Variants in STXBP5L observed in about 807,000 individuals in gnomAD.
STXBP5L encodes the protein syntaxin-binding protein 5-like.
Under a neutral mutation model 144.5 loss-of-function variants are expected in STXBP5L, and 65 were observed. The ratio of observed to expected loss-of-function variants is 0.45; its 90% CI spans 0.37 to 0.55. The LOEUF is 0.55. STXBP5L is among the 20% of genes least tolerant of loss of function. The pLI, the probability that STXBP5L is intolerant of heterozygous loss-of-function variation, is 0.00. For missense variants in STXBP5L, 1,298 were observed against 1,405.5 expected, an observed-to-expected ratio of 0.92 and a Z score of 1.22; for synonymous variants, 505 against 469.6, an observed-to-expected ratio of 1.08 and a Z score of -0.97.
At chr3:121,003,785 C>T (rs1576629238) in intron 3 of STXBP5L, among the ~76,000 whole-genome samples, 2 of 152,138 alleles carry the variant, frequency 1.3e-5, no homozygotes, top group South Asian at 2.1e-4. Flanking sequence ...AGGCAGTTTT[C>T]CCAGCACCAT....
intron 3 of STXBP5L, among the ~76,000 whole-genome samples, chr3:120,977,374 C>T (rs549914700): frequency 2.6e-5 from 4 of 151,948 alleles, no homozygotes; most frequent in African/African-American, 9.7e-5. Context: ...CAACCCCTGC[C>T]TTTTTTTGTT....
At chr3:120,965,232 C>T (rs545461601) in intron 3 of STXBP5L, among the ~76,000 whole-genome samples, 44 of 152,198 alleles carry the variant, frequency 2.9e-4, no homozygotes, top group Non-Finnish European at 5.1e-4. Flanking sequence ...ACTGTTTATC[C>T]AATTTGCCAG....
chr3:121,012,087 C>T (rs561864022), intron 3 of STXBP5L, among the ~76,000 whole-genome samples: 1 of 151,888 alleles, frequency 6.6e-6, no homozygotes, highest in South Asian at 2.1e-4. Context: ...TCTTTTGTGA[C>T]TGACTTATTT....
At chr3:121,049,099 A>T (rs1576774295) in intron 5 of STXBP5L, among the ~76,000 whole-genome samples, 1 of 151,322 alleles carries the variant, frequency 6.6e-6, no homozygotes, top group African/African-American at 2.4e-5. Flanking sequence ...GTGGCTAGAG[A>T]CCCCGGTAGG....
chr3:121,376,362 T>C (rs1015015723), intron 20 of STXBP5L, among the ~76,000 whole-genome samples: 1 of 152,228 alleles, frequency 6.6e-6, no homozygotes, highest in Non-Finnish European at 1.5e-5. Context: ...TTTTATGGTT[T>C]TAGGCTTTAG....
In STXBP5L at chr3:121,092,982, G is replaced by A. The variant is rs547909046; in HGVS notation, c.471-21943G>A. ...ATTTATTGAGAGTTTTTAGCATGAA[G>A]AGTTGTTGAATTTTGTCAAAGGCCT... On this transcript the variant is annotated intron_variant, in intron 5 of 26. Transcript: ENST00000471454. 1.6e-3 allele frequency among the ~76,000 whole-genome samples: 247 copies of A among 152,340 alleles called. 1 individual carries two copies. The highest frequency in any genetic ancestry group is 5.8e-3 in the African/African-American group (240 of 41,592).
intron 3 of STXBP5L, among the ~76,000 whole-genome samples, chr3:120,960,438 TG>T (rs1307345561): frequency 6.6e-6 from 1 of 152,212 alleles, no homozygotes; most frequent in African/African-American, 2.4e-5. Context: ...TAAATCATGC[TG>T]GTATAAAAAC....
intron 9 of STXBP5L, among the ~76,000 whole-genome samples, chr3:121,178,769 T>A (rs1054938031): frequency 6.6e-6 from 1 of 152,110 alleles, no homozygotes; most frequent in Non-Finnish European, 1.5e-5. Context: ...ATAGGCATTC[T>A]CAGTCTCCAG....
intron 3 of STXBP5L, among the ~76,000 whole-genome samples, chr3:120,968,575 A>G (rs534740748): frequency 5.3e-5 from 8 of 152,140 alleles, no homozygotes; most frequent in African/African-American, 1.9e-4. Flanking sequence ...TTTAATTTTT[A>G]AAATAAATTT....
rs3863971 is a variant in STXBP5L at position 121,036,772 on chromosome 3, A to ATTTT, written c.288-4911_288-4908dup. 5.0e-3 allele frequency among the ~76,000 whole-genome samples: 612 copies of ATTTT among 122,110 alleles called. 8 individuals carry two copies. Among genetic ancestry groups the ATTTT allele is most frequent in the South Asian group, 0.025 (97 of 3,886 alleles). The allele number at this position is 122,110 out of a possible 152,430, so 80.1% of individuals were successfully genotyped here. On this transcript the variant is annotated intron_variant, in intron 3 of 26. Coordinates refer to ENST00000471454, the MANE Select transcript of STXBP5L (RefSeq NM_001308330.2). The stretch of plus-strand genomic sequence containing the variant: ...TTGATAGGATGACTTACATTGATTG[A>ATTTT]TTTTTTTTTTTTTTTTTTTTATTAT...
chr3:120,911,968 G>T (rs764723212), intron 2 of STXBP5L, among the ~76,000 whole-genome samples: 4 of 151,930 alleles, frequency 2.6e-5, no homozygotes, highest in Non-Finnish European at 5.9e-5. Flanking sequence ...GTTCTAAGGA[G>T]CTGTCATATT....
intron 3 of STXBP5L, among the ~76,000 whole-genome samples, chr3:120,961,599 G>C (rs1326672393): frequency 6.6e-6 from 1 of 152,168 alleles, no homozygotes; most frequent in Non-Finnish European, 1.5e-5. Context: ...CGAAGGGCTA[G>C]AACTCATCCT....
intron 5 of STXBP5L, among the ~76,000 whole-genome samples, chr3:121,057,749 T>G (rs1020422271): frequency 6.6e-6 from 1 of 152,010 alleles, no homozygotes; most frequent in Non-Finnish European, 1.5e-5. Context: ...AAACTTAACT[T>G]TTGCATTTCT....
At chr3:121,290,309 G>A (rs1440967180) in intron 19 of STXBP5L, among the ~76,000 whole-genome samples, 3 of 151,912 alleles carry the variant, frequency 2.0e-5, no homozygotes, top group Admixed American at 6.6e-5. Flanking sequence ...TAGAGAAGAT[G>A]GATAAATTCC....
At chr3:121,365,117 G>C (rs1021475443) in intron 20 of STXBP5L, among the ~76,000 whole-genome samples, 3 of 151,576 alleles carry the variant, frequency 2.0e-5, no homozygotes, top group African/African-American at 7.3e-5. Flanking sequence ...ATTCCACTTG[G>C]TTATAGTCTA....
At chr3:121,165,764 C>T (rs2046475307) in intron 9 of STXBP5L, among the ~76,000 whole-genome samples, 1 of 152,088 alleles carries the variant, frequency 6.6e-6, no homozygotes. Flanking sequence ...GGCTCCTCCC[C>T]ACTGCAAATG....
chr3:121,058,624 C>T (rs898707480), intron 5 of STXBP5L, among the ~76,000 whole-genome samples: 1 of 152,224 alleles, frequency 6.6e-6, no homozygotes, highest in African/African-American at 2.4e-5. Context: ...TCTCCAAATC[C>T]TCTCCAGCAT....
intron 3 of STXBP5L, among the ~76,000 whole-genome samples, chr3:120,987,756 T>C (rs77194761): frequency 0.099 from 15,090 of 151,844 alleles, 1,185 homozygotes; most frequent in Admixed American, 0.2. Context: ...TTAGTTTTAT[T>C]AATATTTTAT....
chr3:121,030,192 G>T (rs1056214966), intron 3 of STXBP5L, among the ~76,000 whole-genome samples: 1 of 152,094 alleles, frequency 6.6e-6, no homozygotes, highest in Non-Finnish European at 1.5e-5. Context: ...ATACCCAAAG[G>T]ATTATAAATC....
Sources: allele counts gnomAD v4.1 joint callset (sites outside exome capture counted in the v4.1 genomes callset), GRCh38; gene constraint gnomAD v4.1.1; transcripts MANE v1.5; gene names NCBI Gene and HGNC (gene_info 2026-07-23, HGNC 2026-07-21).